Variants in NCEH1 observed in about 807,000 individuals in gnomAD.
NCEH1 encodes the protein neutral cholesterol ester hydrolase 1, also known as 2-acetyl MAGE hydrolase.
Under a neutral mutation model 25.4 loss-of-function variants are expected in NCEH1, and 9 were observed. The ratio of observed to expected loss-of-function variants is 0.35; its 90% confidence interval spans 0.21 to 0.62. The LOEUF is 0.62. Ranked by LOEUF, NCEH1 falls within the 20% of genes least tolerant of loss-of-function variation. The pLI, the probability that NCEH1 is intolerant of heterozygous loss-of-function variation, is 0.72. For synonymous variants in NCEH1, 200 were observed against 199.8 expected (o/e 1.00, Z -0.01); for missense variants, 412 against 501.1 (o/e 0.82, Z 1.70).
intron 1 of NCEH1, among the ~76,000 whole-genome samples, chr3:172,653,752 G>GTTTTTTTTTTTTTTTTTTTTTTTTTT (rs375874414): frequency 1.2e-5 from 1 of 83,840 alleles, no homozygotes; most frequent in African/African-American, 4.2e-5. Flanking sequence ...TTGTTTTTTT[G>GTTTTTTTTTTTTTTTTTTTTTTTTTT]TTTTTTTGTT....
intron 1 of NCEH1, among the ~76,000 whole-genome samples, chr3:172,689,380 T>G (rs1481015304): frequency 6.8e-6 from 1 of 147,436 alleles, no homozygotes; most frequent in African/African-American, 2.5e-5. Context: ...TGCCTCAGCC[T>G]CCCAAGTAGC....
At chr3:172,703,898 C>T (rs1713838452) in intron 1 of NCEH1, among the ~76,000 whole-genome samples, 2 of 152,190 alleles carry the variant, frequency 1.3e-5, no homozygotes, top group South Asian at 4.1e-4. Context: ...GCCCCTGACA[C>T]TATTCTTAAA....
At chr3:172,664,980 C>T (rs1189331447) in intron 1 of NCEH1, among the ~76,000 whole-genome samples, 1 of 152,112 alleles carries the variant, frequency 6.6e-6, no homozygotes, top group Non-Finnish European at 1.5e-5. Flanking sequence ...AAAGTCATTC[C>T]CCATCCAGCT....
In NCEH1 at chr3:172,643,367, C is replaced by T. The variant is rs181510792; in HGVS notation, c.437+2256G>A. On this transcript the variant is annotated intron_variant, in intron 3 of 4. Transcript: ENST00000475381. ...ACACCACCATACCTCACTGTTTTCC[C>T]AGTAGCTCACATTCTAAACATACAG... Among the ~76,000 whole-genome samples, 548 of 152,260 alleles carry T rather than the reference C, an allele frequency of 3.6e-3. 2 individuals are homozygous for T. Among genetic ancestry groups the T allele is most frequent in the Non-Finnish European group, 6.0e-3 (406 of 68,006 alleles).
chr3:172,670,590 T>C (rs1460178860), intron 1 of NCEH1, among the ~76,000 whole-genome samples: 1 of 152,208 alleles, frequency 6.6e-6, no homozygotes, highest in Non-Finnish European at 1.5e-5. Flanking sequence ...CCATCAGTAA[T>C]CACACTCTTG....
At chr3:172,710,778 G>T in intron 1 of NCEH1, 69 bp downstream of exon 1, 1 of 1,560,804 alleles carries the variant, frequency 6.4e-7, no homozygotes, top group East Asian at 2.3e-5. Context: ...CCCGGCGGAG[G>T]AATTTTGTAT....
chr3:172,691,030 C>T (rs1013706933), intron 1 of NCEH1, among the ~76,000 whole-genome samples: 1 of 152,184 alleles, frequency 6.6e-6, no homozygotes, highest in Non-Finnish European at 1.5e-5. Flanking sequence ...GACATCCACA[C>T]ACTGCCCAAA....
intron 1 of NCEH1, among the ~76,000 whole-genome samples, chr3:172,660,963 G>A (rs923846019): frequency 5.3e-5 from 8 of 152,202 alleles, no homozygotes; most frequent in Non-Finnish European, 5.9e-5. Flanking sequence ...CTGTGCAGAA[G>A]CTCTTTAGTT....
chr3:172,655,793 A>G (rs893356192), intron 1 of NCEH1, among the ~76,000 whole-genome samples: 1 of 152,218 alleles, frequency 6.6e-6, no homozygotes, highest in Admixed American at 6.5e-5. Context: ...CCAGAGAGGG[A>G]AAGTTAATTT....
chr3:172,640,203 G>A lies in NCEH1; in HGVS notation c.438-4116C>T, dbSNP rs182393414. 2.5e-3 allele frequency among the ~76,000 whole-genome samples: 387 copies of A among 151,800 alleles called. 3 individuals are homozygous for A. The highest frequency in any genetic ancestry group is 9.1e-3 in the African/African-American group (376 of 41,098). On this transcript the variant is annotated intron_variant, in intron 3 of 4. Transcript: ENST00000475381. ...ATTATACTCCTATCAGATTCAGCAGGAGAGAGGATAAGCCTCACTCCTTTT... is the reference window on the plus strand; with the variant it reads ...ATTATACTCCTATCAGATTCAGCAGAAGAGAGGATAAGCCTCACTCCTTTT...
chr3:172,700,170 A>T (rs1051517271), intron 1 of NCEH1, among the ~76,000 whole-genome samples: 2 of 152,200 alleles, frequency 1.3e-5, no homozygotes, highest in Non-Finnish European at 2.9e-5. Flanking sequence ...AGAGTTGAAT[A>T]ATTGGCATCA....
chr3:172,633,887 G>A lies in NCEH1; in HGVS notation c.815C>T (p.Thr272Ile), dbSNP rs756774951. 8 of 1,614,132 alleles carry A rather than the reference G, an allele frequency of 5.0e-6. No individual in the cohort carries two copies. The highest frequency in any genetic ancestry group is 1.7e-5 in the Admixed American group (1 of 60,004). The part of the protein sequence containing the change: ...FVQAMIVNNH[T>I]SLDVEEAAAV... The stretch of plus-strand genomic sequence containing the variant: ...AGCAGCCTCTTCCACATCAAGTGAA[G>A]TGTGATTGTTAACGATCATTGCCTG... Residue 272 changes from threonine to isoleucine, a missense_variant, in exon 5 of 5, where the codon ACT (threonine) becomes ATT (isoleucine). Around this residue, in one of 3 missense-constraint regions of NCEH1, gnomAD observed 210 missense variants for 258.2 expected, o/e 0.81. Coordinates refer to ENST00000475381, the MANE Select transcript of NCEH1 (RefSeq NM_020792.6).
rs1713531188 is a variant in NCEH1 at position 172,698,906 on chromosome 3, C to A, written c.138+11941G>T. On this transcript the variant is annotated intron_variant, in intron 1 of 4. Coordinates refer to ENST00000475381, the MANE Select transcript of NCEH1 (RefSeq NM_020792.6). Reference sequence around the variant, plus strand: ...AACACAGTGATAATGGAAGCAGAACCATGAATTCCTAATTTCTCTTTAGTC... The same window carrying A: ...AACACAGTGATAATGGAAGCAGAACAATGAATTCCTAATTTCTCTTTAGTC... Among the ~76,000 whole-genome samples, 3 of 152,344 alleles carry A rather than the reference C, an allele frequency of 2.0e-5. No individual in the cohort carries two copies. The South Asian group carries it at 6.2e-4, about 32-fold the overall frequency.
chr3:172,643,572 T>A (rs1053459227), intron 3 of NCEH1, among the ~76,000 whole-genome samples: 1 of 152,168 alleles, frequency 6.6e-6, no homozygotes, highest in Non-Finnish European at 1.5e-5. Flanking sequence ...TTAGCCCTTT[T>A]CAAAAAAATC....
At chr3:172,686,022 T>G (rs952912642) in intron 1 of NCEH1, among the ~76,000 whole-genome samples, 8 of 152,244 alleles carry the variant, frequency 5.3e-5, no homozygotes, top group Admixed American at 2.0e-4. Context: ...AGGAAATTGC[T>G]GCCCAGCAAT....
chr3:172,668,348 A>ATTTTTTTTTTTTTTTT (rs1200625132), intron 1 of NCEH1, among the ~76,000 whole-genome samples: 2 of 78,978 alleles, frequency 2.5e-5, no homozygotes, highest in African/African-American at 5.2e-5. Flanking sequence ...AAAAGGAAGC[A>ATTTTTTTTTTTTTTTT]TTTTTTTTTT....
chr3:172,650,604 A>AC (rs1177303829), intron 1 of NCEH1, among the ~76,000 whole-genome samples: 2 of 150,330 alleles, frequency 1.3e-5, no homozygotes, highest in East Asian at 2.0e-4. Flanking sequence ...AGCTGAGACT[A>AC]CGCCACTGCA....
At chr3:172,637,911 G>A (rs1716666311) in intron 3 of NCEH1, among the ~76,000 whole-genome samples, 1 of 151,272 alleles carries the variant, frequency 6.6e-6, no homozygotes, top group African/African-American at 2.4e-5. Context: ...GCCGGGCATG[G>A]TGGTATGCAC....
chr3:172,709,260 G>A (rs890843113), intron 1 of NCEH1, among the ~76,000 whole-genome samples: 1 of 152,226 alleles, frequency 6.6e-6, no homozygotes, highest in Non-Finnish European at 1.5e-5. Flanking sequence ...TGAAAACTAA[G>A]AATAATCTCT....
Sources: allele counts gnomAD v4.1 joint callset (sites outside exome capture counted in the v4.1 genomes callset), GRCh38; gene constraint gnomAD v4.1.1; regional missense constraint gnomAD v4.1.1; transcripts MANE v1.5; gene names NCBI Gene and HGNC (gene_info 2026-07-23, HGNC 2026-07-21).